Variants in GRIA1 observed in about 807,000 individuals in gnomAD.
GRIA1 encodes the protein glutamate receptor 1.
A neutral mutation model predicts 99.2 loss-of-function variants in GRIA1; 31 were observed. The ratio of observed to expected loss-of-function variants is 0.31; its 90% CI spans 0.23 to 0.42. The LOEUF (loss-of-function observed/expected upper bound fraction) is 0.42, where lower values mean the gene tolerates loss of function less well. Ranked by LOEUF, GRIA1 falls within the 10% of genes least tolerant of loss-of-function variation. The pLI is 1.00. For missense variants in GRIA1, 782 were observed against 1,157.5 expected, an observed-to-expected ratio of 0.68 and a Z score of 4.71; for synonymous variants, 438 against 432.4, an observed-to-expected ratio of 1.01 and a Z score of -0.16.
chr5:153,684,566 A>T (rs1757213917), intron 7 of GRIA1, among the ~76,000 whole-genome samples: 1 of 152,178 alleles, frequency 6.6e-6, no homozygotes, highest in Admixed American at 6.5e-5. Flanking sequence ...AAATCAGTCT[A>T]CCAGTCTACC....
At chr5:153,540,812 C>A (rs1759009173) in intron 2 of GRIA1, among the ~76,000 whole-genome samples, 1 of 152,072 alleles carries the variant, frequency 6.6e-6, no homozygotes, top group Non-Finnish European at 1.5e-5. Context: ...GGAGAAAAAC[C>A]CAGTCCTACA....
chr5:153,566,464 A>G (rs1761634374), intron 2 of GRIA1, among the ~76,000 whole-genome samples: 1 of 149,218 alleles, frequency 6.7e-6, no homozygotes, highest in African/African-American at 2.5e-5. Flanking sequence ...CCACCATGCC[A>G]AGCTAATTTT....
At chr5:153,753,925 C>G (rs1395924522) in intron 11 of GRIA1, among the ~76,000 whole-genome samples, 2 of 152,186 alleles carry the variant, frequency 1.3e-5, no homozygotes, top group Admixed American at 1.3e-4. Flanking sequence ...TTTCCAAGTG[C>G]TTTCCCCTGT....
At chr5:153,665,830 T>C (rs1481606130) in intron 5 of GRIA1, among the ~76,000 whole-genome samples, 1 of 152,188 alleles carries the variant, frequency 6.6e-6, no homozygotes, top group Admixed American at 6.5e-5. Flanking sequence ...GGGTGGGATT[T>C]AGGACCACAT....
intron 2 of GRIA1, among the ~76,000 whole-genome samples, chr5:153,640,591 C>T (rs945221904): frequency 4.6e-5 from 7 of 152,196 alleles, no homozygotes; most frequent in African/African-American, 1.4e-4. Flanking sequence ...ACACTGTGCC[C>T]GGCCTCTGCT....
chr5:153,506,359 G>A (rs1011635293), intron 2 of GRIA1, among the ~76,000 whole-genome samples: 1 of 137,482 alleles, frequency 7.3e-6, no homozygotes, highest in Non-Finnish European at 1.6e-5. Flanking sequence ...GTGTGTGTGT[G>A]TTCATACATA....
intron 2 of GRIA1, among the ~76,000 whole-genome samples, chr5:153,618,281 A>G (rs754401847): frequency 3.3e-5 from 5 of 152,228 alleles, no homozygotes; most frequent in Admixed American, 6.5e-5. Flanking sequence ...CAGCTTTCAG[A>G]CTTTAAATCA....
At chr5:153,594,404 T>C (rs1764246431) in intron 2 of GRIA1, among the ~76,000 whole-genome samples, 1 of 152,208 alleles carries the variant, frequency 6.6e-6, no homozygotes, top group African/African-American at 2.4e-5. Flanking sequence ...GGGTGATACC[T>C]TCAACTTCGT....
chr5:153,667,312 G>T (rs1755816699), intron 5 of GRIA1, among the ~76,000 whole-genome samples: 1 of 152,192 alleles, frequency 6.6e-6, no homozygotes, highest in Non-Finnish European at 1.5e-5. Context: ...GCACAGGCAG[G>T]ATGATGAGGG....
At chr5:153,534,899 C>T (rs1367385627) in intron 2 of GRIA1, among the ~76,000 whole-genome samples, 1 of 113,700 alleles carries the variant, frequency 8.8e-6, no homozygotes, top group African/African-American at 3.6e-5. Flanking sequence ...GAGGCACAGG[C>T]CTTTTTTTGT....
At position 153,647,035 on chromosome 5, in the gene GRIA1, A is replaced by G. The variant is rs1481817146; in HGVS notation, c.328A>G (p.Thr110Ala). 3 of 1,613,848 alleles carry G rather than the reference A, an allele frequency of 1.9e-6. No individual in the cohort carries two copies. The highest frequency in any genetic ancestry group is 2.5e-6 in the Non-Finnish European group (3 of 1,179,920). Residue 110 changes from threonine to alanine, a missense_variant, in exon 3 of 16, where the codon ACG becomes GCG. By Grantham distance (58) the Thr-to-Ala change is moderately conservative. Around this residue, in one of 5 missense-constraint regions of GRIA1, gnomAD observed 461 missense variants for 521.7 expected, o/e 0.88. Coordinates refer to ENST00000285900, the MANE Select transcript of GRIA1 (RefSeq NM_000827.4). ...FCGALHVCFITPSFPVDTSNQ... is the reference protein window; with the variant it reads ...FCGALHVCFIAPSFPVDTSNQ... ...TGGGGCCCTCCACGTCTGCTTCATT[A>G]CGCCGAGCTTTCCCGTTGATACATC... is the stretch of plus-strand genomic sequence containing the variant.
chr5:153,685,244 G>A (rs1298562941), intron 7 of GRIA1, among the ~76,000 whole-genome samples: 1 of 152,150 alleles, frequency 6.6e-6, no homozygotes, highest in African/African-American at 2.4e-5. Flanking sequence ...TTGTACCTGA[G>A]CTGATGATAC....
At chr5:153,625,191 T>C (rs925867431) in intron 2 of GRIA1, among the ~76,000 whole-genome samples, 13 of 152,140 alleles carry the variant, frequency 8.5e-5, no homozygotes, top group Admixed American at 1.3e-4. Flanking sequence ...AGGTGTGTGG[T>C]CTAGTTAATC....
intron 5 of GRIA1, among the ~76,000 whole-genome samples, chr5:153,668,646 A>C (rs1755923792): frequency 6.6e-6 from 1 of 152,204 alleles, no homozygotes; most frequent in African/African-American, 2.4e-5. Flanking sequence ...CTGGCCCTTT[A>C]CATAAAAAGT....
intron 13 of GRIA1, among the ~76,000 whole-genome samples, chr5:153,772,505 T>G (rs1342859201): frequency 2.6e-5 from 4 of 152,146 alleles, no homozygotes; most frequent in Non-Finnish European, 5.9e-5. Context: ...AGAACTTTTG[T>G]CTTTATTCAA....
intron 2 of GRIA1, among the ~76,000 whole-genome samples, chr5:153,583,176 G>A (rs1586937): frequency 0.04 from 6,135 of 151,582 alleles, 253 homozygotes; most frequent in African/African-American, 0.11. Flanking sequence ...CAAGTGATCC[G>A]TCTGCCTCAG....
At chr5:153,494,262 T>A in intron 2 of GRIA1, 197 bp downstream of exon 2, 1 of 575,088 alleles carries the variant, frequency 1.7e-6, no homozygotes, top group Non-Finnish European at 3.1e-6. Flanking sequence ...ATGCTTCATG[T>A]AATGGATTTG....
Position 153,698,184 on chromosome 5 carries a change from T to C in GRIA1, c.1245+30T>C, listed in dbSNP as rs1424048718. On this transcript the variant is annotated intron_variant, in intron 9 of 15. Coordinates refer to ENST00000285900, the MANE Select transcript of GRIA1 (RefSeq NM_000827.4). ...GTACTCAGTCCTTCATCAAGGTTACTTGGGATTCAAGCTAGGCCAGCACAA... is the reference window on the plus strand; with the variant it reads ...GTACTCAGTCCTTCATCAAGGTTACCTGGGATTCAAGCTAGGCCAGCACAA... 6 of 1,250,470 alleles carry C rather than the reference T, an allele frequency of 4.8e-6. No homozygotes were observed. In the East Asian group the frequency reaches 1.4e-4, roughly 29 times the overall value. The allele number at this position is 1,250,470 out of a possible 1,614,324, so 77.5% of individuals were successfully genotyped here. A position where few individuals can be genotyped will look rare whatever the true frequency, so the allele number is the denominator to read the frequency against.
intron 2 of GRIA1, among the ~76,000 whole-genome samples, chr5:153,625,013 CA>C (rs1158772518): frequency 6.6e-6 from 1 of 152,166 alleles, no homozygotes; most frequent in Non-Finnish European, 1.5e-5. Context: ...AGAGACATAC[CA>C]AGTCAGCACA....
Sources: gnomAD v4.1 joint callset for allele counts (sites outside exome capture counted in the v4.1 genomes callset) on GRCh38, gnomAD v4.1.1 for gene constraint, gnomAD v4.1.1 regional missense constraint, MANE v1.5 for transcripts, NCBI Gene and HGNC (gene_info 2026-07-23, HGNC 2026-07-21) for gene names.